Variants in ANKS1A observed in about 807,000 individuals in gnomAD.
ANKS1A encodes the protein ankyrin repeat and SAM domain-containing protein 1A.
Under a neutral mutation model 120.3 loss-of-function variants are expected in ANKS1A, and 55 were observed. That is an observed-to-expected ratio of 0.46 (90% CI 0.37 to 0.57). The LOEUF (loss-of-function observed/expected upper bound fraction) is 0.57, where lower values mean the gene tolerates loss of function less well. Among genes scored for constraint, ANKS1A ranks in the 20% least tolerant of loss-of-function variants. ANKS1A has a pLI of 0.00. For missense variants in ANKS1A, 1,123 were observed against 1,480.3 expected (o/e 0.76, Z 3.96); for synonymous variants, 590 against 604.7 (o/e 0.98, Z 0.36).
chr6:35,095,131 A>AC (rs1469434174), downstream of ANKS1A, among the ~76,000 whole-genome samples: 4 of 100,654 alleles, frequency 4.0e-5, no homozygotes, highest in Non-Finnish European at 8.1e-5. Context: ...ACAGAGTGAG[A>AC]CCCCCATCTC....
At chr6:34,991,813 T>C (rs181612927) in intron 9 of ANKS1A, among the ~76,000 whole-genome samples, 2 of 139,312 alleles carry the variant, frequency 1.4e-5, no homozygotes, top group Admixed American at 7.6e-5. Flanking sequence ...TACACACACA[T>C]ATATATATGG....
At chr6:34,944,771 A>G (rs1276311121) in intron 1 of ANKS1A, among the ~76,000 whole-genome samples, 1 of 152,212 alleles carries the variant, frequency 6.6e-6, no homozygotes, top group African/African-American at 2.4e-5. Flanking sequence ...AAGTGAATCC[A>G]TACAGCTCAA....
chr6:35,090,341 C>A lies in ANKS1A; in HGVS notation c.*1732C>A. The A allele has an allele frequency of 7.9e-7, 1 of 1,271,448 alleles. No homozygotes were observed. The highest frequency in any genetic ancestry group is 1.0e-6 in the Non-Finnish European group (1 of 977,006). 78.8% of individuals were successfully genotyped at this position (1,271,448 alleles called of 1,614,324 possible). A position where few individuals can be genotyped will look rare whatever the true frequency, so the allele number is the denominator to read the frequency against. Reference sequence around the variant, plus strand: ...GAGTAGACTGCGCTGCCACTGCGCACATGCTGGTGCCCGTCTTCCTCCTAA... The same window carrying A: ...GAGTAGACTGCGCTGCCACTGCGCAAATGCTGGTGCCCGTCTTCCTCCTAA... On this transcript the variant is annotated 3_prime_UTR_variant, in exon 24 of 24. Transcript: ENST00000360359.
chr6:35,055,319 G>C (rs1370874991), intron 12 of ANKS1A, among the ~76,000 whole-genome samples: 3 of 151,922 alleles, frequency 2.0e-5, no homozygotes, highest in African/African-American at 7.3e-5. Flanking sequence ...TGAATAAGTA[G>C]TAGATAAAAA....
At position 34,939,970 on chromosome 6, in the gene ANKS1A, G is replaced by A. The variant is rs145711039; in HGVS notation, c.198-27269G>A. On this transcript the variant is annotated intron_variant, in intron 1 of 23. Transcript: ENST00000360359. ...TGTGGGCAGTGGCTTTGGGGGAAGC[G>A]CTATAGTGTGAGCACAATGAATTTT... 3.0e-4 allele frequency among the ~76,000 whole-genome samples: 46 copies of A among 152,312 alleles called. No individual in the cohort carries two copies. In the East Asian group the frequency reaches 7.7e-3, roughly 26 times the overall value.
intron 1 of ANKS1A, among the ~76,000 whole-genome samples, chr6:34,927,974 C>T (rs1458063507): frequency 6.6e-6 from 1 of 152,082 alleles, no homozygotes; most frequent in Non-Finnish European, 1.5e-5. Context: ...TGGCATTTTC[C>T]CCATTCATTC....
chr6:35,031,632 C>T (rs1033670965), intron 11 of ANKS1A, among the ~76,000 whole-genome samples: 3 of 152,194 alleles, frequency 2.0e-5, no homozygotes, highest in African/African-American at 7.2e-5. Context: ...CGGCCACCAC[C>T]TCAGTATCTC....
intron 1 of ANKS1A, among the ~76,000 whole-genome samples, chr6:34,962,838 T>G (rs1241199784): frequency 6.6e-6 from 1 of 151,314 alleles, no homozygotes; most frequent in African/African-American, 2.4e-5. Flanking sequence ...GCGCACTTAG[T>G]GCTTTTTTCT....
At chr6:34,892,798 C>A (rs544817645) in intron 1 of ANKS1A, among the ~76,000 whole-genome samples, 1 of 152,156 alleles carries the variant, frequency 6.6e-6, no homozygotes, top group Admixed American at 6.5e-5. Flanking sequence ...CACAGTTGAT[C>A]GCTTTGGCCT....
intron 1 of ANKS1A, among the ~76,000 whole-genome samples, chr6:34,922,016 CT>C (rs558428378): frequency 0.08 from 10,620 of 133,358 alleles, 510 homozygotes; most frequent in East Asian, 0.32. Flanking sequence ...AATTGACTTC[CT>C]TTTTTTTTTT....
At position 35,017,911 on chromosome 6, in the gene ANKS1A, G is replaced by A. The variant is rs1418815635; in HGVS notation, c.1862G>A (p.Arg621His). The change falls in exon 11 of 24, where the codon CGC (arginine) becomes CAC (histidine). Residue 621 changes from arginine to histidine, a missense_variant. Arg to His is a conservative substitution (Grantham distance 29). Around this residue, in one of 3 missense-constraint regions of ANKS1A, gnomAD observed 904 missense variants for 1,130.4 expected, o/e 0.80. Transcript: ENST00000360359. ...CCCAAAGCTGAACTCAAACTCAGCC[G>A]CAGCTTGTCCAAGTCTGACTCTGAT... ...SKPKAELKLS[R>H]SLSKSDSDLL... is the part of the protein sequence containing the mutation. 12 of 1,614,088 alleles carry A rather than the reference G, an allele frequency of 7.4e-6. No homozygotes were observed. Among genetic ancestry groups the A allele is most frequent in the Admixed American group, 3.3e-5 (2 of 60,012 alleles).
Position 35,088,645 on chromosome 6 carries a change from G to A in ANKS1A, c.*36G>A, listed in dbSNP as rs773408642. ...AACCACACTGTGCTGCGGAAACATA[G>A]ACGTGGGGGCATAGGCTCCCACTGC... On this transcript the variant is annotated 3_prime_UTR_variant, in exon 24 of 24. Transcript: ENST00000360359. 7 of 1,614,080 alleles carry A rather than the reference G, an allele frequency of 4.3e-6. No individual in the cohort carries two copies. Among genetic ancestry groups the A allele is most frequent in the Middle Eastern group, 1.6e-4 (1 of 6,084 alleles).
At chr6:35,028,561 T>C (rs905230354) in intron 11 of ANKS1A, among the ~76,000 whole-genome samples, 4 of 152,204 alleles carry the variant, frequency 2.6e-5, no homozygotes, top group Non-Finnish European at 5.9e-5. Context: ...TAGTGAAAAA[T>C]AAGTCTTCCA....
rs538328598 is a variant in ANKS1A, at chr6:35,058,180, G to A, written c.2078-1967G>A. The A allele has an allele frequency of 6.5e-6, 1 of 152,978 alleles. No individual in the cohort carries two copies. The highest frequency in any genetic ancestry group is 2.1e-4 in the South Asian group (1 of 4,838). The allele number at this position is 152,978 out of a possible 1,614,324, so 9.5% of individuals were successfully genotyped here. A position where few individuals can be genotyped will look rare whatever the true frequency, so the allele number is the denominator to read the frequency against. On this transcript the variant is annotated intron_variant, in intron 12 of 23. Transcript: ENST00000360359. This position sits in a 1 kb window ranked among gnomAD's most constrained non-coding sequence, Gnocchi z 5.1. ...GGGAGGGTGAGGAGGGGAGGAAGGG[G>A]AGGGCCAGACATTACGAGAGTGAGC... is the stretch of plus-strand genomic sequence containing the variant.
At chr6:34,937,929 C>A (rs3800443) in intron 1 of ANKS1A, among the ~76,000 whole-genome samples, 10,276 of 152,150 alleles carry the variant, frequency 0.068, 523 homozygotes, top group East Asian at 0.22. Flanking sequence ...TGGACACTTT[C>A]TTTTGTCATT....
chr6:35,073,136 TG>T (rs1364194673), intron 13 of ANKS1A, among the ~76,000 whole-genome samples: 1 of 152,184 alleles, frequency 6.6e-6, no homozygotes, highest in Non-Finnish European at 1.5e-5. Context: ...TGCTGGACTG[TG>T]GTCAGAACTC....
At chr6:34,976,435 G>A (rs1345105760) in intron 3 of ANKS1A, among the ~76,000 whole-genome samples, 9 of 152,042 alleles carry the variant, frequency 5.9e-5, no homozygotes, top group Admixed American at 2.0e-4. Flanking sequence ...TGAAAATTGC[G>A]CATTTTCCCC....
At chr6:35,006,083 G>A (rs560160068) in intron 10 of ANKS1A, among the ~76,000 whole-genome samples, 9 of 151,962 alleles carry the variant, frequency 5.9e-5, no homozygotes, top group Non-Finnish European at 1.2e-4. Flanking sequence ...AGCTACTCAG[G>A]AGGCTGAGGC....
At chr6:34,938,073 G>C (rs1561859118) in intron 1 of ANKS1A, among the ~76,000 whole-genome samples, 1 of 152,198 alleles carries the variant, frequency 6.6e-6, no homozygotes, top group East Asian at 1.9e-4. Context: ...TTCCATCTAA[G>C]CTGGGAAAGG....
Sources: gnomAD v4.1 joint callset for allele counts (sites outside exome capture counted in the v4.1 genomes callset) on GRCh38, gnomAD v4.1.1 for gene constraint, gnomAD v4.1.1 regional missense constraint, Gnocchi (gnomAD v3.1) non-coding constraint, MANE v1.5 for transcripts, NCBI Gene and HGNC (gene_info 2026-07-23, HGNC 2026-07-21) for gene names.